CLASP1: variants seen among roughly 807,000 people sequenced by gnomAD.
The protein encoded by CLASP1 is cytoplasmic linker associated protein 1.
CLASP1 carries 38 observed loss-of-function variants against 192.3 expected under a neutral mutation model. The observed-to-expected ratio is 0.20, with a 90% CI of 0.15 to 0.26. CLASP1 has a LOEUF of 0.26. Ranked by LOEUF, CLASP1 falls within the 10% of genes least tolerant of loss-of-function variation. CLASP1 has a pLI of 1.00. For missense variants in CLASP1, 1,433 were observed against 1,932.5 expected (o/e 0.74, Z 4.85); for synonymous variants, 691 against 712.8 (o/e 0.97, Z 0.49).
chr2:121,563,194 C>T (rs907701089), intron 2 of CLASP1, among the ~76,000 whole-genome samples: 6 of 152,206 alleles, frequency 3.9e-5, no homozygotes, highest in Non-Finnish European at 7.3e-5. Flanking sequence ...AACCACAACA[C>T]TCAAGGATAA....
intron 1 of CLASP1, among the ~76,000 whole-genome samples, chr2:121,645,903 A>G (rs2073092824): frequency 6.6e-6 from 1 of 152,166 alleles, no homozygotes; most frequent in Non-Finnish European, 1.5e-5. Flanking sequence ...TGGGGAGGTG[A>G]AGAACAAGCT....
At chr2:121,360,965 G>GA (rs891029358) in intron 37 of CLASP1, among the ~76,000 whole-genome samples, 30 of 145,534 alleles carry the variant, frequency 2.1e-4, no homozygotes, top group Admixed American at 1.2e-3. Flanking sequence ...TAATTTTGCA[G>GA]AAAAAAAAAA....
intron 2 of CLASP1, among the ~76,000 whole-genome samples, chr2:121,572,444 G>A (rs960418309): frequency 2.0e-5 from 3 of 151,860 alleles, no homozygotes; most frequent in African/African-American, 2.4e-5. Flanking sequence ...TAAAAAAGAC[G>A]ACATTTTCTT....
At chr2:121,617,720 T>C (rs1304129479) in intron 1 of CLASP1, among the ~76,000 whole-genome samples, 1 of 152,228 alleles carries the variant, frequency 6.6e-6, no homozygotes, top group Non-Finnish European at 1.5e-5. Flanking sequence ...TTGCATCTAC[T>C]AATTCATCTC....
chr2:121,593,712 A>T (rs1182254460), intron 2 of CLASP1, among the ~76,000 whole-genome samples: 1 of 151,300 alleles, frequency 6.6e-6, no homozygotes, highest in African/African-American at 2.4e-5. Context: ...AAACAGGATT[A>T]AAAAAATTTT....
intron 6 of CLASP1, 44 bp downstream of exon 6, chr2:121,525,801 T>A: frequency 7.2e-7 from 1 of 1,383,948 alleles, no homozygotes; most frequent in Non-Finnish European, 1.0e-6. Context: ...ATCTCAACAG[T>A]CTGTAAGCAA....
rs143898705 is a variant in CLASP1 at position 121,482,836 on chromosome 2, C to T, written c.713-12876G>A. Reference sequence around the variant, plus strand: ...AGACTGAAAACCTGGCTTCATGTGTCGTTAAGGACCATCATTTCCAGACAT... The same window carrying T: ...AGACTGAAAACCTGGCTTCATGTGTTGTTAAGGACCATCATTTCCAGACAT... On this transcript the variant is annotated intron_variant, in intron 8 of 39. Transcript: ENST00000263710. Among the ~76,000 whole-genome samples the T allele has an allele frequency of 1.7e-3, 265 of 152,280 alleles. 3 individuals carry two copies. Among genetic ancestry groups the T allele is most frequent in the Middle Eastern group, 0.01 (3 of 294 alleles).
In CLASP1 at chr2:121,525,164, A is replaced by G. The variant is rs528971544; in HGVS notation, c.546+681T>C. Reference sequence around the variant, plus strand: ...TTCTTATCAGTTTGTATGAGATGACATAATAAAAATGACTCTGGTTGAGAA... The same window carrying G: ...TTCTTATCAGTTTGTATGAGATGACGTAATAAAAATGACTCTGGTTGAGAA... On this transcript the variant is annotated intron_variant, in intron 6 of 39. Transcript: ENST00000263710. Among the ~76,000 whole-genome samples, 6 of 152,278 alleles carry G rather than the reference A, an allele frequency of 3.9e-5. 1 individual carries two copies. The highest frequency in any genetic ancestry group is 1.9e-4 in the East Asian group (1 of 5,168).
At chr2:121,406,089 C>A (rs1195715075) in intron 25 of CLASP1, among the ~76,000 whole-genome samples, 1 of 152,234 alleles carries the variant, frequency 6.6e-6, no homozygotes, top group Non-Finnish European at 1.5e-5. Flanking sequence ...CCCGTTTTCA[C>A]ATCTCTGTAA....
At chr2:121,343,896 C>A (rs751584972) in intron 39 of CLASP1, among the ~76,000 whole-genome samples, 22 of 152,132 alleles carry the variant, frequency 1.4e-4, no homozygotes, top group Non-Finnish European at 2.6e-4. Context: ...CATGGTGAAA[C>A]CCCATCTCAA....
chr2:121,377,413 C>T, intron 34 of CLASP1, 86 bp downstream of exon 35: 1 of 913,194 alleles, frequency 1.1e-6, no homozygotes, highest in Non-Finnish European at 1.7e-6. Context: ...TGATGAAGCT[C>T]AGTAATCATG....
At chr2:121,471,335 C>A (rs1364156012) in intron 8 of CLASP1, among the ~76,000 whole-genome samples, 1 of 152,032 alleles carries the variant, frequency 6.6e-6, no homozygotes, top group African/African-American at 2.4e-5. Context: ...TATGCAAACA[C>A]TTTAATGATG....
At chr2:121,599,472 C>T (rs2105850430) in intron 2 of CLASP1, among the ~76,000 whole-genome samples, 1 of 150,398 alleles carries the variant, frequency 6.6e-6, no homozygotes, top group African/African-American at 2.4e-5. Context: ...CCTGTAGTCC[C>T]AGCTACTCGG....
At chr2:121,645,824 A>G (rs1445148297) in intron 1 of CLASP1, among the ~76,000 whole-genome samples, 4 of 152,200 alleles carry the variant, frequency 2.6e-5, no homozygotes, top group Non-Finnish European at 4.4e-5. Context: ...GAGGACTGTC[A>G]TAAGAATTTG....
At chr2:121,560,105 T>G (rs1364266820) in intron 2 of CLASP1, among the ~76,000 whole-genome samples, 1 of 151,752 alleles carries the variant, frequency 6.6e-6, no homozygotes, top group Non-Finnish European at 1.5e-5. Context: ...CTGGGTGAAA[T>G]GTACATGGGA....
At chr2:121,348,460 T>G (rs2063757479) in intron 38 of CLASP1, 52 bp downstream of exon 39, 9 of 1,509,386 alleles carry the variant, frequency 6.0e-6, no homozygotes, top group Non-Finnish European at 8.1e-6. Flanking sequence ...TTACTTCAAG[T>G]TAGGCAACCC....
At chr2:121,612,751 A>G (rs1457219470) in intron 1 of CLASP1, among the ~76,000 whole-genome samples, 1 of 152,232 alleles carries the variant, frequency 6.6e-6, no homozygotes, top group African/African-American at 2.4e-5. Context: ...TTAGTCTATT[A>G]TATTTAAGAC....
intron 2 of CLASP1, among the ~76,000 whole-genome samples, chr2:121,536,488 C>G (rs1199131739): frequency 1.3e-5 from 2 of 150,018 alleles, no homozygotes; most frequent in East Asian, 3.9e-4. Flanking sequence ...TTTCCAAAGA[C>G]AGTTGTAAAC....
At chr2:121,470,240 C>T in intron 8 of CLASP1, 2 of 522,614 alleles carry the variant, frequency 3.8e-6, no homozygotes, top group Non-Finnish European at 7.4e-6. Flanking sequence ...CTCATAAAAC[C>T]ACCACCTTGA....
Sources: gnomAD v4.1 joint callset for allele counts (sites outside exome capture counted in the v4.1 genomes callset) on GRCh38, gnomAD v4.1.1 for gene constraint, MANE v1.5 for transcripts, NCBI Gene and HGNC (gene_info 2026-07-23, HGNC 2026-07-21) for gene names.